IL22RA1: variants seen among roughly 807,000 people sequenced by gnomAD.
The protein encoded by IL22RA1 is interleukin 22 receptor subunit alpha 1, also known as interleukin-22 receptor subunit alpha-1.
In IL22RA1, 25 loss-of-function variants were observed where a neutral mutation model predicts 32.8. That is an observed-to-expected ratio of 0.76 (90% CI 0.55 to 1.06). The LOEUF (loss-of-function observed/expected upper bound fraction) is 1.06, where lower values mean the gene tolerates loss of function less well. Ranked by LOEUF, IL22RA1 falls within the 50% of genes least tolerant of loss-of-function variation. The pLI is 0.00. For synonymous variants in IL22RA1, 305 were observed against 305.0 expected (o/e 1.00, Z 0.00); for missense variants, 709 against 727.4 (o/e 0.97, Z 0.29).
At chr1:24,130,433 T>C (rs1303059486) in intron 4 of IL22RA1, among the ~76,000 whole-genome samples, 1 of 151,930 alleles carries the variant, frequency 6.6e-6, no homozygotes, top group Non-Finnish European at 1.5e-5. Flanking sequence ...ATGAATGGGG[T>C]AGACTCCAAG....
At chr1:24,127,766 C>T (rs1570904200) in intron 5 of IL22RA1, among the ~76,000 whole-genome samples, 1 of 152,066 alleles carries the variant, frequency 6.6e-6, no homozygotes, top group Non-Finnish European at 1.5e-5. Context: ...ATCATGATAC[C>T]ATTATTATTA....
intron 1 of IL22RA1, among the ~76,000 whole-genome samples, chr1:24,141,208 G>A (rs536553099): frequency 1.3e-5 from 2 of 152,340 alleles, no homozygotes; most frequent in South Asian, 4.1e-4. Context: ...GGAGCCTTAG[G>A]ATGTAGCTGA....
intron 4 of IL22RA1, among the ~76,000 whole-genome samples, chr1:24,129,507 A>G (rs910835455): frequency 1.3e-5 from 2 of 152,226 alleles, no homozygotes; most frequent in Non-Finnish European, 2.9e-5. Context: ...TGATAATAGC[A>G]TCACTCTTCT....
At chr1:24,132,681 A>G (rs1644214459) in intron 4 of IL22RA1, among the ~76,000 whole-genome samples, 1 of 151,610 alleles carries the variant, frequency 6.6e-6, no homozygotes, top group Non-Finnish European at 1.5e-5. Context: ...CTCTTGTCAA[A>G]GTGGGCAGTT....
At chr1:24,136,971 G>A (rs984417616) in intron 3 of IL22RA1, among the ~76,000 whole-genome samples, 160 bp downstream of exon 3, 1 of 152,022 alleles carries the variant, frequency 6.6e-6, no homozygotes, top group Admixed American at 6.6e-5. Context: ...TGGTGGGGGT[G>A]GGGGGCTTCC....
intron 1 of IL22RA1, among the ~76,000 whole-genome samples, chr1:24,139,061 C>T (rs1404383417): frequency 6.6e-6 from 1 of 152,216 alleles, no homozygotes; most frequent in Non-Finnish European, 1.5e-5. Flanking sequence ...TTATCTAATT[C>T]CAGAACATTT....
intron 2 of IL22RA1, among the ~76,000 whole-genome samples, chr1:24,138,367 A>C (rs1644257426): frequency 6.6e-6 from 1 of 152,178 alleles, no homozygotes; most frequent in Non-Finnish European, 1.5e-5. Context: ...AGCGGCATTT[A>C]AGCCCAGACA....
chr1:24,141,429 C>T (rs549666697), intron 1 of IL22RA1, among the ~76,000 whole-genome samples: 71 of 151,176 alleles, frequency 4.7e-4, no homozygotes, highest in African/African-American at 1.7e-3. Flanking sequence ...GAGTCTGCAG[C>T]GGGAACGGTT....
At position 24,121,399 on chromosome 1, in the gene IL22RA1, G is replaced by A. The variant is rs138355138; in HGVS notation, c.1131C>T (p.Tyr377=). The A allele has an allele frequency of 9.6e-4, 1,495 of 1,556,270 alleles. 7 individuals are homozygous for A. The highest frequency in any genetic ancestry group is 8.1e-4 in the Non-Finnish European group (933 of 1,150,080). ...QVTPEAQFPF[Y]APQAISKVQP... is the part of the protein sequence containing the mutation. ...GGACCTTAGAGATGGCCTGTGGGGC[G>A]TAGAATGGGAATTGAGCTTCGGGGG... The change falls in exon 7 of 7, where the codon TAC becomes TAT. Residue 377 remains tyrosine, a synonymous_variant. Transcript: ENST00000270800.
At chr1:24,132,505 G>A (rs1041899380) in intron 4 of IL22RA1, among the ~76,000 whole-genome samples, 24 of 151,558 alleles carry the variant, frequency 1.6e-4, no homozygotes, top group African/African-American at 5.8e-4. Context: ...CTAATTTTTT[G>A]TATTTTTTAA....
chr1:24,123,396 C>T lies in IL22RA1; in HGVS notation c.698G>A (p.Gly233Glu), dbSNP rs1178500136. 6.2e-6 allele frequency: 10 copies of T among 1,613,844 alleles called. No homozygotes were observed. Among genetic ancestry groups the T allele is most frequent in the Non-Finnish European group, 8.5e-6 (10 of 1,179,918 alleles). The change falls in exon 6 of 7, where the codon GGA (glycine) becomes GAA (glutamate). Residue 233 changes from glycine (G) to glutamate (E), a missense_variant. Transcript: ENST00000270800. ...GAAGCCCATGGAGAACAGGAAGGCT[C>T]CGGAGAAGGAGTAGGTCCATGTCCG... ...PDRTWTYSFSGAFLFSMGFLV... is the reference protein window; with the variant it reads ...PDRTWTYSFSEAFLFSMGFLV...
In IL22RA1 at chr1:24,121,442, G is replaced by A. The variant is rs149319564; in HGVS notation, c.1088C>T (p.Ser363Phe). The A allele has an allele frequency of 1.6e-5, 24 of 1,547,678 alleles. No individual in the cohort carries two copies. In the African/African-American group the frequency reaches 3.3e-4, roughly 21 times the overall value. ...TTCGGGGGTCACCTGAGGTGCATAGGATGGGGGCCCGACCTCAGGGGCAGC... is the reference window on the plus strand; with the variant it reads ...TTCGGGGGTCACCTGAGGTGCATAGAATGGGGGCCCGACCTCAGGGGCAGC... Reference protein sequence around the residue: ...PNAAPEVGPPSYAPQVTPEAQ... With the variant: ...PNAAPEVGPPFYAPQVTPEAQ... Residue 363 changes from serine to phenylalanine, a missense_variant, in exon 7 of 7, where the codon TCC becomes TTC. Physicochemically the swap from Ser to Phe is radical, Grantham distance 155 (BLOSUM62 -2). Transcript: ENST00000270800.
rs779131004 is a variant in IL22RA1 at position 24,120,842 on chromosome 1, A to C, written c.1688T>G (p.Phe563Cys). 6.2e-7 allele frequency: 1 copy of C among 1,613,486 alleles called. No homozygotes were observed. Among genetic ancestry groups the C allele is most frequent in the East Asian group, 2.2e-5 (1 of 44,872 alleles). ...CTGCACAGTCAGGGCCAGGCCTCTGAAAAGAGAATCCAGTTCTGTGGGCTG... is the reference window on the plus strand; with the variant it reads ...CTGCACAGTCAGGGCCAGGCCTCTGCAAAGAGAATCCAGTTCTGTGGGCTG... ...LEQPTELDSL[F>C]RGLALTVQWE... Residue 563 changes from phenylalanine to cysteine, a missense_variant, in exon 7 of 7, where the codon TTC becomes TGC. By Grantham distance (205) the Phe-to-Cys change is radical. Transcript: ENST00000270800.
chr1:24,138,592 C>T lies in IL22RA1; in HGVS notation c.166G>A (p.Glu56Lys), dbSNP rs2148575755. Reference protein sequence around the residue: ...EGTPDTVYSIEYKTYGERDWV... With the variant: ...EGTPDTVYSIKYKTYGERDWV... ...AAGAGAGAAGCCTACGTCTTATACT[C>T]GATGCTGTAGACCGTGTCTGGGGTG... The change falls in exon 2 of 7, where the codon GAG (glutamate) becomes AAG (lysine). Residue 56 changes from glutamate to lysine, a missense_variant. Glu to Lys is a moderately conservative substitution (Grantham distance 56). Transcript: ENST00000270800. 4.3e-6 allele frequency: 7 copies of T among 1,614,074 alleles called. No individual in the cohort carries two copies. Among genetic ancestry groups the T allele is most frequent in the East Asian group, 2.2e-5 (1 of 44,864 alleles).
chr1:24,123,099 C>T (rs1450449254), intron 6 of IL22RA1, among the ~76,000 whole-genome samples: 2 of 152,238 alleles, frequency 1.3e-5, no homozygotes, highest in Admixed American at 1.3e-4. Context: ...TATTCCTGAT[C>T]ACCCACCCCA....
chr1:24,138,332 A>C (rs1311226350), intron 2 of IL22RA1, among the ~76,000 whole-genome samples: 1 of 152,232 alleles, frequency 6.6e-6, no homozygotes, highest in East Asian at 1.9e-4. Context: ...TCGTGAGGTT[A>C]CCTGCCCAAG....
At chr1:24,128,111 C>A (rs752675167) in intron 5 of IL22RA1, 30 bp downstream of exon 5, 5 of 1,491,316 alleles carry the variant, frequency 3.4e-6, no homozygotes, top group Non-Finnish European at 4.5e-6. Context: ...TTCGGGAGCC[C>A]CACCTCCCTC....
chr1:24,139,474 T>C lies in IL22RA1; in HGVS notation c.44-760A>G, dbSNP rs191545745. ...TCTAAGAGTGGAATTTGGTAGGTTATATAGTAGCTCTATCTTTAACCTTTT... is the reference window on the plus strand; with the variant it reads ...TCTAAGAGTGGAATTTGGTAGGTTACATAGTAGCTCTATCTTTAACCTTTT... On this transcript the variant is annotated intron_variant, in intron 1 of 6. Coordinates refer to ENST00000270800, the MANE Select transcript of IL22RA1 (RefSeq NM_021258.4). Among the ~76,000 whole-genome samples the C allele has an allele frequency of 2.0e-5, 3 of 152,362 alleles. No individual in the cohort carries two copies. The East Asian group carries it at 5.8e-4, about 29-fold the overall frequency.
intron 5 of IL22RA1, among the ~76,000 whole-genome samples, chr1:24,125,345 A>G (rs1644153657): frequency 6.6e-6 from 1 of 152,050 alleles, no homozygotes; most frequent in African/African-American, 2.4e-5. Context: ...CCTCCCTGCC[A>G]CTCTGCAAGG....
Sources: allele counts gnomAD v4.1 joint callset (sites outside exome capture counted in the v4.1 genomes callset), GRCh38; gene constraint gnomAD v4.1.1; transcripts MANE v1.5; gene names NCBI Gene and HGNC (gene_info 2026-07-23, HGNC 2026-07-21).